Variants in SCRG1 observed in about 807,000 individuals in gnomAD.
SCRG1 encodes scrapie-responsive protein 1.
A neutral mutation model predicts 7.7 loss-of-function variants in SCRG1; 3 were observed. The observed-to-expected ratio is 0.39, with a 90% CI of 0.18 to 1.01. The LOEUF (loss-of-function observed/expected upper bound fraction) is 1.01, where lower values mean the gene tolerates loss of function less well. Among genes scored for constraint, SCRG1 ranks in the 50% least tolerant of loss-of-function variants. The pLI is 0.36. For missense variants in SCRG1, 110 were observed against 117.2 expected (o/e 0.94, Z 0.28); for synonymous variants, 46 against 41.2 (o/e 1.12, Z -0.44).
the SCRG1 span, among the ~76,000 whole-genome samples, chr4:173,428,346 G>C: frequency 6.6e-6 from 1 of 152,178 alleles, no homozygotes; most frequent in Non-Finnish European, 1.5e-5. Context: ...ACGTTTACTG[G>C]AGTAACAGTT....
At chr4:173,424,865 C>T in the SCRG1 span, among the ~76,000 whole-genome samples, 1 of 95,366 alleles carries the variant, frequency 1.0e-5, no homozygotes, top group East Asian at 3.1e-4. Flanking sequence ...GCCGAGATCG[C>T]ACCAGCTTGG....
At chr4:173,491,173 A>C in the SCRG1 span, among the ~76,000 whole-genome samples, 1 of 151,102 alleles carries the variant, frequency 6.6e-6, no homozygotes, top group Non-Finnish European at 1.5e-5. Context: ...TAACTATTTC[A>C]CAGAAATAAG....
chr4:173,388,365 G>T lies in SCRG1; in HGVS notation c.273C>A (p.Phe91Leu). The T allele has an allele frequency of 1.2e-6, 2 of 1,611,864 alleles. No homozygotes were observed. Among genetic ancestry groups the T allele is most frequent in the Non-Finnish European group, 1.7e-6 (2 of 1,178,804 alleles). ...KDVFFGPKISFVIPCNNQ is the reference protein window; with the variant it reads ...KDVFFGPKISLVIPCNNQ ...CTCATTGATTGTTGCAAGGAATCAC[G>T]AAAGAGATCTTTGGTCCAAAGAAAA... The change falls in exon 3 of 3, where the codon TTC becomes TTA. Residue 91 changes from phenylalanine (F) to leucine (L), a missense_variant. Phe to Leu is a conservative substitution (Grantham distance 22). Transcript: ENST00000296506.
chr4:173,421,756 G>A, the SCRG1 span, among the ~76,000 whole-genome samples: 2 of 152,202 alleles, frequency 1.3e-5, no homozygotes, highest in African/African-American at 4.8e-5. Flanking sequence ...GAATATGCCA[G>A]CTTTTCAAAA....
At chr4:173,485,355 C>G in the SCRG1 span, among the ~76,000 whole-genome samples, 31 of 149,486 alleles carry the variant, frequency 2.1e-4, no homozygotes, top group African/African-American at 5.9e-4. Flanking sequence ...TCAGACCTAG[C>G]TGTCTTGCTG....
chr4:173,400,057 T>C (rs375939759), upstream of SCRG1, among the ~76,000 whole-genome samples: 12 of 152,246 alleles, frequency 7.9e-5, no homozygotes, highest in Middle Eastern at 6.8e-3. Context: ...CTAAAAAAAT[T>C]GTTTTTATCG....
the SCRG1 span, among the ~76,000 whole-genome samples, chr4:173,451,571 G>A: frequency 1.3e-5 from 2 of 151,762 alleles, no homozygotes; most frequent in Non-Finnish European, 2.9e-5. Context: ...TACTAAAATA[G>A]TAAAGAGTAG....
At chr4:173,515,326 G>A in the SCRG1 span, among the ~76,000 whole-genome samples, 1 of 152,030 alleles carries the variant, frequency 6.6e-6, no homozygotes, top group African/African-American at 2.4e-5. The surrounding 1 kb of genome is among the most constrained non-coding windows in gnomAD (Gnocchi z 4.6). Flanking sequence ...TCCTTCCACA[G>A]GAAATGAGCA....
chr4:173,491,215 C>G, the SCRG1 span, among the ~76,000 whole-genome samples: 2 of 132,964 alleles, frequency 1.5e-5, no homozygotes, highest in Admixed American at 7.8e-5. Flanking sequence ...CTCTCTCTCT[C>G]TCTTTTTTTT....
At chr4:173,393,051 A>G (rs1739499698) in intron 1 of SCRG1, among the ~76,000 whole-genome samples, 1 of 151,846 alleles carries the variant, frequency 6.6e-6, no homozygotes, top group Non-Finnish European at 1.5e-5. Flanking sequence ...AGATCAAGCC[A>G]CTGCACTCCA....
the SCRG1 span, among the ~76,000 whole-genome samples, chr4:173,481,698 C>T: frequency 6.6e-6 from 1 of 152,138 alleles, no homozygotes; most frequent in African/African-American, 2.4e-5. Flanking sequence ...TGATAATCCA[C>T]TTCCACTTAA....
upstream of SCRG1, among the ~76,000 whole-genome samples, chr4:173,408,077 C>T (rs755817687): frequency 6.6e-6 from 1 of 152,158 alleles, no homozygotes; most frequent in African/African-American, 2.4e-5. Flanking sequence ...AGATAGGACA[C>T]ATGAAATGCC....
At chr4:173,439,120 G>A in the SCRG1 span, among the ~76,000 whole-genome samples, 1 of 152,094 alleles carries the variant, frequency 6.6e-6, no homozygotes, top group Non-Finnish European at 1.5e-5. Context: ...CAGGCCCCTT[G>A]GAAACAGTTG....
At chr4:173,419,840 C>G in the SCRG1 span, 5 of 1,376,346 alleles carry the variant, frequency 3.6e-6, no homozygotes, top group Non-Finnish European at 5.1e-6. Flanking sequence ...CATGCCTAAC[C>G]TATTGAGAAG....
chr4:173,425,246 GT>G, the SCRG1 span, among the ~76,000 whole-genome samples: 1 of 152,156 alleles, frequency 6.6e-6, no homozygotes, highest in Non-Finnish European at 1.5e-5. Context: ...CATGACCACC[GT>G]TTTGCCTTTT....
At chr4:173,503,606 C>G in the SCRG1 span, among the ~76,000 whole-genome samples, 2 of 152,104 alleles carry the variant, frequency 1.3e-5, no homozygotes, top group Non-Finnish European at 2.9e-5. This position sits in a 1 kb window ranked among gnomAD's most constrained non-coding sequence, Gnocchi z 6.4. Context: ...TCCGAAGACA[C>G]AAACACACAG....
At chr4:173,416,868 C>T in the SCRG1 span, among the ~76,000 whole-genome samples, 2 of 150,732 alleles carry the variant, frequency 1.3e-5, no homozygotes, top group East Asian at 1.9e-4. Flanking sequence ...TAGAAATAGC[C>T]TAGAACTCTC....
At chr4:173,480,816 G>A in the SCRG1 span, among the ~76,000 whole-genome samples, 1 of 151,684 alleles carries the variant, frequency 6.6e-6, no homozygotes, top group African/African-American at 2.4e-5. Context: ...TTTTAAAATG[G>A]TCTAGCAACC....
upstream of SCRG1, among the ~76,000 whole-genome samples, chr4:173,409,724 G>C (rs1048480209): frequency 1.3e-5 from 2 of 151,624 alleles, no homozygotes; most frequent in South Asian, 4.2e-4. Context: ...AAGTACCTGC[G>C]ATTACAGTCA....
Sources: allele counts gnomAD v4.1 joint callset (sites outside exome capture counted in the v4.1 genomes callset), GRCh38; gene constraint gnomAD v4.1.1; non-coding constraint Gnocchi (gnomAD v3.1); transcripts MANE v1.5; gene names NCBI Gene and HGNC (gene_info 2026-07-23, HGNC 2026-07-21).